The following ZNF732 variants were observed in gnomAD, a reference collection of about 807,000 sequenced individuals.
ZNF732 encodes zinc finger protein LOC654254.
In ZNF732, 12 loss-of-function variants were observed where a neutral mutation model predicts 11.5. The observed-to-expected ratio is 1.05, with a 90% CI of 0.67 to 1.70. The LOEUF is 1.70. Among genes scored for constraint, ZNF732 ranks in the 40% most tolerant of loss-of-function variants. The pLI is 0.00. For synonymous variants in ZNF732, 231 were observed against 236.5 expected (o/e 0.98, Z 0.21); for missense variants, 702 against 676.9 (o/e 1.04, Z -0.41).
In ZNF732 at chr4:270,903, T is replaced by C. The variant is rs1211682967; in HGVS notation, c.*196A>G. The C allele has an allele frequency of 2.1e-5, 15 of 727,876 alleles. No homozygotes were observed. The highest frequency in any genetic ancestry group is 7.0e-5 in the African/African-American group (4 of 56,890). The allele number at this position is 727,876 out of a possible 1,614,324, so 45.1% of individuals were successfully genotyped here. A position where few individuals can be genotyped will look rare whatever the true frequency, so the allele number is the denominator to read the frequency against. The stretch of plus-strand genomic sequence containing the variant: ...TATGTTGATTCAGGTATGCGGACTG[T>C]TTGAAGGCTTTCCCACATTCTTTAC... On this transcript the variant is annotated 3_prime_UTR_variant, in exon 4 of 4. Coordinates refer to ENST00000419098, the MANE Select transcript of ZNF732 (RefSeq NM_001137608.3).
At chr4:281,418 C>T (rs56327123) in intron 3 of ZNF732, among the ~76,000 whole-genome samples, 2 of 152,210 alleles carry the variant, frequency 1.3e-5, no homozygotes, top group African/African-American at 4.8e-5. Context: ...CTCGCAAGAG[C>T]GACACAGCAG....
intron 3 of ZNF732, among the ~76,000 whole-genome samples, chr4:280,727 TC>T (rs1266670146): frequency 6.6e-6 from 1 of 152,198 alleles, no homozygotes; most frequent in Non-Finnish European, 1.5e-5. Flanking sequence ...CCCATCACAG[TC>T]CCAGCTACAG....
At chr4:290,876 TG>T (rs1719830642) in intron 3 of ZNF732, among the ~76,000 whole-genome samples, 2 of 152,296 alleles carry the variant, frequency 1.3e-5, no homozygotes, top group South Asian at 4.1e-4. Context: ...CTCATCAGCC[TG>T]GGGACCCAAC....
intron 3 of ZNF732, among the ~76,000 whole-genome samples, chr4:287,216 A>C (rs1719748930): frequency 6.6e-6 from 1 of 151,692 alleles, no homozygotes. Flanking sequence ...GAAACTTAAC[A>C]TACTTTTTTT....
intron 3 of ZNF732, among the ~76,000 whole-genome samples, chr4:287,299 C>T (rs1272626669): frequency 6.6e-6 from 1 of 151,804 alleles, no homozygotes; most frequent in African/African-American, 2.4e-5. Context: ...ACTGCAGCCT[C>T]CGCCCCTCGG....
Position 305,297 on chromosome 4 carries a change from C to CT in ZNF732, c.3+10_3+11insA, listed in dbSNP as rs782112618. ...CTCCCCAGCCTTGGGACGCCCTGCC[C>CT]CCACACTCACCATTTCCCCACTTCA... On this transcript the variant is annotated intron_variant, in intron 1 of 3. Transcript: ENST00000419098. 3 of 1,607,062 alleles carry CT rather than the reference C, an allele frequency of 1.9e-6. No individual in the cohort carries two copies. Among genetic ancestry groups the CT allele is most frequent in the African/African-American group, 1.3e-5 (1 of 74,892 alleles).
chr4:293,282 G>GTATATATA (rs139781518), intron 3 of ZNF732, among the ~76,000 whole-genome samples: 3 of 140,264 alleles, frequency 2.1e-5, no homozygotes, highest in African/African-American at 8.0e-5. Flanking sequence ...ATATGTATGT[G>GTATATATA]TATATATATA....
intron 1 of ZNF732, among the ~76,000 whole-genome samples, chr4:299,955 C>A (rs1283005286): frequency 1.4e-5 from 2 of 147,932 alleles, no homozygotes; most frequent in African/African-American, 2.5e-5. Flanking sequence ...CCGCCTGCCT[C>A]GGCCTCCCAA....
intron 1 of ZNF732, among the ~76,000 whole-genome samples, chr4:299,346 T>C (rs1720029665): frequency 7.8e-6 from 1 of 128,518 alleles, no homozygotes; most frequent in Non-Finnish European, 1.6e-5. Flanking sequence ...GTTATGAGTA[T>C]ATATACACAT....
intron 3 of ZNF732, among the ~76,000 whole-genome samples, chr4:276,383 G>A (rs1169938528): frequency 6.6e-6 from 1 of 151,716 alleles, no homozygotes; most frequent in African/African-American, 2.4e-5. Flanking sequence ...CTAAATAAAA[G>A]CATCCTTGTT....
rs187274352 is a variant in ZNF732, at chr4:277,459, C to T, written c.227-4829G>A. 1.2e-3 allele frequency among the ~76,000 whole-genome samples: 180 copies of T among 151,748 alleles called. 2 individuals are homozygous for T. Among genetic ancestry groups the T allele is most frequent in the African/African-American group, 4.2e-3 (173 of 41,412 alleles). On this transcript the variant is annotated intron_variant, in intron 3 of 3. Transcript: ENST00000419098. Reference sequence around the variant, plus strand: ...ACACAATTTAAACATAGGCAAGAGGCCTTAAGAGACATTTTTCAAAAGAAA... The same window carrying T: ...ACACAATTTAAACATAGGCAAGAGGTCTTAAGAGACATTTTTCAAAAGAAA...
chr4:283,734 T>C (rs1404931684), intron 3 of ZNF732, among the ~76,000 whole-genome samples: 1 of 152,164 alleles, frequency 6.6e-6, no homozygotes, highest in Non-Finnish European at 1.5e-5. Context: ...TGCATAGCAC[T>C]ATAAAACAAC....
chr4:292,363 G>C (rs1015720300), intron 3 of ZNF732, among the ~76,000 whole-genome samples: 1 of 152,006 alleles, frequency 6.6e-6, no homozygotes, highest in East Asian at 1.9e-4. Context: ...TTTGAGACCA[G>C]CCTGACCAAC....
rs192711283 is a variant in ZNF732, at chr4:299,363, A to G, written c.4-3208T>C. On this transcript the variant is annotated intron_variant, in intron 1 of 3. Coordinates refer to ENST00000419098, the MANE Select transcript of ZNF732 (RefSeq NM_001137608.3). ...TATGAGTATATATACACATATATAC[A>G]CATATGTGTATATATATATACACAT... 2.5e-3 allele frequency among the ~76,000 whole-genome samples: 278 copies of G among 110,388 alleles called. 10 individuals carry two copies. Among genetic ancestry groups the G allele is most frequent in the African/African-American group, 7.9e-3 (256 of 32,576 alleles). The allele number at this position is 110,388 out of a possible 152,430, so 72.4% of individuals were successfully genotyped here.
At chr4:302,176 T>G (rs1294406317) in intron 1 of ZNF732, among the ~76,000 whole-genome samples, 1 of 152,222 alleles carries the variant, frequency 6.6e-6, no homozygotes, top group Non-Finnish European at 1.5e-5. Flanking sequence ...AGTGGAATCC[T>G]GAGAAAGGTT....
chr4:286,956 T>C (rs1157336689), intron 3 of ZNF732, among the ~76,000 whole-genome samples: 2 of 152,028 alleles, frequency 1.3e-5, no homozygotes, highest in East Asian at 3.9e-4. Flanking sequence ...ATCAAGACCA[T>C]TCTGGCTAAC....
chr4:299,502 TACACAC>T (rs1211729570), intron 1 of ZNF732, among the ~76,000 whole-genome samples: 7 of 105,588 alleles, frequency 6.6e-5, no homozygotes, highest in African/African-American at 2.1e-4. Flanking sequence ...TGTGTATATA[TACACAC>T]ATATACGTAT....
chr4:277,054 A>C (rs1719511529), intron 3 of ZNF732, among the ~76,000 whole-genome samples: 1 of 152,100 alleles, frequency 6.6e-6, no homozygotes, highest in Non-Finnish European at 1.5e-5. Flanking sequence ...GGAAAAAGAC[A>C]GTCTTTTCAA....
intron 3 of ZNF732, among the ~76,000 whole-genome samples, chr4:284,632 G>T (rs946296820): frequency 1.3e-4 from 19 of 151,894 alleles, no homozygotes; most frequent in African/African-American, 4.6e-4. Context: ...CAGCTCTTTG[G>T]GAGGCTGAGG....
Sources: allele counts gnomAD v4.1 joint callset (sites outside exome capture counted in the v4.1 genomes callset), GRCh38; gene constraint gnomAD v4.1.1; transcripts MANE v1.5; gene names NCBI Gene and HGNC (gene_info 2026-07-23, HGNC 2026-07-21).